RBMS3: variants seen among roughly 807,000 people sequenced by gnomAD.
RBMS3 encodes RNA binding motif single stranded interacting protein 3.
A neutral mutation model predicts 66.8 loss-of-function variants in RBMS3; 27 were observed. The ratio of observed to expected loss-of-function variants is 0.40; its 90% CI spans 0.30 to 0.56. The LOEUF (loss-of-function observed/expected upper bound fraction) is 0.56, where lower values mean the gene tolerates loss of function less well. RBMS3 is among the 20% of genes least tolerant of loss of function. RBMS3 has a pLI of 0.40. For missense variants in RBMS3, 513 were observed against 549.5 expected, an observed-to-expected ratio of 0.93 and a Z score of 0.66; for synonymous variants, 188 against 183.0, an observed-to-expected ratio of 1.03 and a Z score of -0.22.
intron 10 of RBMS3, among the ~76,000 whole-genome samples, chr3:29,919,678 G>A (rs1559800178): frequency 3.3e-5 from 5 of 152,148 alleles, no homozygotes. Flanking sequence ...TGCCTTCATG[G>A]TGTAGGCCTA....
intron 1 of RBMS3, among the ~76,000 whole-genome samples, chr3:29,331,300 C>T (rs2035639917): frequency 6.6e-6 from 1 of 152,098 alleles, no homozygotes; most frequent in Non-Finnish European, 1.5e-5. Flanking sequence ...CAGCTGGAGA[C>T]CTGAGGTACC....
chr3:29,828,999 TTTCTTTCTTTCTTTC>T (rs2058285586), intron 6 of RBMS3, among the ~76,000 whole-genome samples: 1 of 61,710 alleles, frequency 1.6e-5, no homozygotes, highest in African/African-American at 6.9e-5. Context: ...TCTTTCTTTC[TTTCTTTCTTTCTTTC>T]TTTCTTTCTT....
At chr3:29,596,005 T>C (rs551984977) in intron 4 of RBMS3, among the ~76,000 whole-genome samples, 1 of 152,064 alleles carries the variant, frequency 6.6e-6, no homozygotes, top group Non-Finnish European at 1.5e-5. Flanking sequence ...GACCGGTGAG[T>C]TATTATTTCT....
chr3:29,915,452 G>T (rs6778759), intron 10 of RBMS3, among the ~76,000 whole-genome samples: 12,240 of 151,772 alleles, frequency 0.081, 952 homozygotes, highest in African/African-American at 0.2. Flanking sequence ...CCCTGAATAT[G>T]TTATACATGC....
intron 3 of RBMS3, among the ~76,000 whole-genome samples, chr3:29,583,881 G>T (rs2047418106): frequency 6.6e-6 from 1 of 151,504 alleles, no homozygotes; most frequent in South Asian, 2.1e-4. Flanking sequence ...CTTCACACTG[G>T]AATCAGGTGG....
chr3:29,989,228 G>T (rs1465731822), intron 13 of RBMS3, among the ~76,000 whole-genome samples: 1 of 152,004 alleles, frequency 6.6e-6, no homozygotes, highest in Admixed American at 6.6e-5. Context: ...TCTTTCCATT[G>T]GGATAAATCT....
intron 6 of RBMS3, among the ~76,000 whole-genome samples, chr3:29,856,783 C>T (rs767312309): frequency 1.2e-4 from 18 of 152,244 alleles, no homozygotes; most frequent in Admixed American, 2.6e-4. Flanking sequence ...TCTTCATAGG[C>T]GACGTCGTTG....
intron 3 of RBMS3, among the ~76,000 whole-genome samples, chr3:29,491,344 A>G (rs970518820): frequency 3.9e-5 from 6 of 152,150 alleles, no homozygotes; most frequent in African/African-American, 1.4e-4. Flanking sequence ...GCTATAGAAA[A>G]CTTACCTCCA....
chr3:29,629,459 G>C (rs2049200485), intron 4 of RBMS3, among the ~76,000 whole-genome samples: 1 of 152,004 alleles, frequency 6.6e-6, no homozygotes, highest in Non-Finnish European at 1.5e-5. Flanking sequence ...AGTTCAAACT[G>C]GCATTTTCTC....
At chr3:29,958,978 A>C (rs917847098) in intron 12 of RBMS3, among the ~76,000 whole-genome samples, 1 of 152,152 alleles carries the variant, frequency 6.6e-6, no homozygotes, top group Non-Finnish European at 1.5e-5. Context: ...TTTTCACCAT[A>C]GTTCATTCCT....
chr3:29,781,825 T>C (rs2056641262), intron 6 of RBMS3, among the ~76,000 whole-genome samples: 1 of 152,018 alleles, frequency 6.6e-6, no homozygotes, highest in Non-Finnish European at 1.5e-5. Flanking sequence ...TTTAGTACCG[T>C]GGGCTGTGTG....
chr3:29,825,515 T>C (rs577904552), intron 6 of RBMS3, among the ~76,000 whole-genome samples: 1 of 152,258 alleles, frequency 6.6e-6, no homozygotes, highest in East Asian at 1.9e-4. Flanking sequence ...ATTCTTGTGA[T>C]AGTGAATAAG....
intron 1 of RBMS3, among the ~76,000 whole-genome samples, chr3:29,286,912 A>C (rs1400572118): frequency 6.6e-6 from 1 of 152,122 alleles, no homozygotes; most frequent in Non-Finnish European, 1.5e-5. Flanking sequence ...GTTTATTCAA[A>C]ATTGGCTTCA....
At chr3:29,301,601 A>T (rs1430163844) in intron 1 of RBMS3, among the ~76,000 whole-genome samples, 3 of 151,940 alleles carry the variant, frequency 2.0e-5, no homozygotes, top group African/African-American at 7.2e-5. Context: ...AAAGAATGAG[A>T]CAATTGGGCG....
intron 4 of RBMS3, among the ~76,000 whole-genome samples, chr3:29,592,798 C>T (rs1446141632): frequency 3.3e-5 from 5 of 151,878 alleles, no homozygotes; most frequent in Non-Finnish European, 7.4e-5. Context: ...GAAAATATGG[C>T]ACATATACAC....
At chr3:29,566,003 T>C (rs1369653523) in intron 3 of RBMS3, among the ~76,000 whole-genome samples, 1 of 152,188 alleles carries the variant, frequency 6.6e-6, no homozygotes. Context: ...TTATGAGAAT[T>C]ATAATGCCTG....
At chr3:29,915,508 G>T (rs1381465652) in intron 10 of RBMS3, among the ~76,000 whole-genome samples, 4 of 151,920 alleles carry the variant, frequency 2.6e-5, no homozygotes, top group African/African-American at 9.7e-5. Flanking sequence ...ATTTTAAAGA[G>T]CAGAAGTTTA....
intron 1 of RBMS3, among the ~76,000 whole-genome samples, chr3:29,326,247 T>A (rs913030864): frequency 6.6e-6 from 1 of 152,198 alleles, no homozygotes. Context: ...TTGGAAAGCA[T>A]GCAATTCATC....
At chr3:29,518,860 C>A (rs2044742098) in intron 3 of RBMS3, among the ~76,000 whole-genome samples, 1 of 152,108 alleles carries the variant, frequency 6.6e-6, no homozygotes, top group Non-Finnish European at 1.5e-5. Flanking sequence ...AAACAAAAGA[C>A]AACTGTAGAT....
Sources: gnomAD v4.1 joint callset for allele counts (sites outside exome capture counted in the v4.1 genomes callset) on GRCh38, gnomAD v4.1.1 for gene constraint, MANE v1.5 for transcripts, NCBI Gene and HGNC (gene_info 2026-07-23, HGNC 2026-07-21) for gene names.